XRN2: variants seen among roughly 807,000 people sequenced by gnomAD.
XRN2 encodes 5'-3' exoribonuclease 2.
In XRN2, 44 loss-of-function variants were observed where a neutral mutation model predicts 138.5. The observed-to-expected ratio is 0.32, with a 90% CI of 0.25 to 0.41. The LOEUF is 0.41. Among genes scored for constraint, XRN2 ranks in the 10% least tolerant of loss-of-function variants. The probability of loss-of-function intolerance (pLI) is 1.00; values close to 1 mark genes in which losing one functional copy is unlikely to be tolerated. For synonymous variants in XRN2, 354 were observed against 369.4 expected, an observed-to-expected ratio of 0.96 and a Z score of 0.48; for missense variants, 937 against 1,169.3, an observed-to-expected ratio of 0.80 and a Z score of 2.90.
At chr20:21,325,049 G>A (rs768229326) in intron 1 of XRN2, among the ~76,000 whole-genome samples, 1 of 152,142 alleles carries the variant, frequency 6.6e-6, no homozygotes, top group Non-Finnish European at 1.5e-5. Context: ...GTCTATTTTA[G>A]ACTTTTCATA....
At chr20:21,319,916 T>G (rs1657957663) in intron 1 of XRN2, among the ~76,000 whole-genome samples, 1 of 152,202 alleles carries the variant, frequency 6.6e-6, no homozygotes, top group African/African-American at 2.4e-5. Flanking sequence ...CTATGTAATA[T>G]TTATACAATT....
chr20:21,367,972 T>G (rs1435875405), intron 26 of XRN2, among the ~76,000 whole-genome samples: 1 of 152,166 alleles, frequency 6.6e-6, no homozygotes, highest in Non-Finnish European at 1.5e-5. Flanking sequence ...TCTATACTAC[T>G]AGTACGAAAT....
chr20:21,332,507 C>G (rs1237243214), intron 9 of XRN2, 67 bp downstream of exon 9: 2 of 1,403,420 alleles, frequency 1.4e-6, no homozygotes, highest in Non-Finnish European at 1.9e-6. Flanking sequence ...ATGTATATGA[C>G]ATAAAATATC....
rs1200102415 is a variant in XRN2 at position 21,349,020 on chromosome 20, G to GCT, written c.1864-369_1864-368insCT. ...CCAGCCATATTTGGTAGCCACCAGA[G>GCT]ATGAGGAAACTGCCTTACCCAAAAT... On this transcript the variant is annotated intron_variant, in intron 19 of 29. Coordinates refer to ENST00000377191, the MANE Select transcript of XRN2 (RefSeq NM_012255.5). Among the ~76,000 whole-genome samples the GCT allele has an allele frequency of 1.3e-5, 2 of 152,148 alleles. 1 individual carries two copies. Among genetic ancestry groups the GCT allele is most frequent in the Admixed American group, 1.3e-4 (2 of 15,284 alleles).
intron 16 of XRN2, 97 bp downstream of exon 16, chr20:21,344,305 G>GCT (rs2038408797): frequency 1.2e-6 from 1 of 833,296 alleles, no homozygotes; most frequent in South Asian, 1.6e-5. Context: ...GCCTTCAGAT[G>GCT]CTTGCCTGTG....
At position 21,340,416 on chromosome 20, in the gene XRN2, A is replaced by G. The variant is rs2038355823; in HGVS notation, c.1279-305A>G. Among the ~76,000 whole-genome samples the G allele has an allele frequency of 2.0e-5, 3 of 152,168 alleles. No homozygotes were observed. In the South Asian group the frequency reaches 6.2e-4, roughly 32 times the overall value. On this transcript the variant is annotated intron_variant, in intron 14 of 29. Transcript: ENST00000377191. ...AATTGTGTCTCGAATGTTTTCTGTA[A>G]TTATAAAAAGCAGTGGGTTAGCATA... is the stretch of plus-strand genomic sequence containing the variant.
At chr20:21,360,586 G>A (rs1337025884) in intron 24 of XRN2, among the ~76,000 whole-genome samples, 1 of 152,016 alleles carries the variant, frequency 6.6e-6, no homozygotes, top group African/African-American at 2.4e-5. Flanking sequence ...CTTCAGAGGA[G>A]TGTTTCTTAG....
intron 27 of XRN2, among the ~76,000 whole-genome samples, chr20:21,374,500 CTTTG>C (rs988184756): frequency 1.3e-5 from 2 of 151,956 alleles, no homozygotes; most frequent in African/African-American, 2.4e-5. Flanking sequence ...TTCTTCTATT[CTTTG>C]TTTCTAGTGG....
chr20:21,327,176 A>G (rs2038140040), intron 3 of XRN2, among the ~76,000 whole-genome samples: 3 of 152,172 alleles, frequency 2.0e-5, no homozygotes, highest in African/African-American at 7.2e-5. Flanking sequence ...TGAGAAGGGA[A>G]GTATAGCAAA....
rs1412390313 is a variant in XRN2 at position 21,331,759 on chromosome 20, C to T, written c.650-9C>T. ...TATTAATATAAATACATGTTTCTCT[C>T]TTGTTTAGCCCAGCCTAACCATGAC... On this transcript the variant is annotated splice_polypyrimidine_tract_variant and intron_variant, in intron 7 of 29. Transcript: ENST00000377191. 1.9e-6 allele frequency: 3 copies of T among 1,604,680 alleles called. No homozygotes were observed. Among genetic ancestry groups the T allele is most frequent in the Non-Finnish European group, 8.5e-7 (1 of 1,177,694 alleles).
intron 1 of XRN2, among the ~76,000 whole-genome samples, chr20:21,317,762 C>T (rs78729323): frequency 2.6e-4 from 40 of 152,278 alleles, no homozygotes; most frequent in Non-Finnish European, 4.7e-4. Context: ...TGAGTACCAA[C>T]GCAACTGTCC....
chr20:21,323,669 C>T (rs536148628), intron 1 of XRN2, among the ~76,000 whole-genome samples: 11 of 152,174 alleles, frequency 7.2e-5, no homozygotes, highest in Admixed American at 3.9e-4. Context: ...GCTCTTTTCT[C>T]AAAATTAGGA....
intron 3 of XRN2, among the ~76,000 whole-genome samples, chr20:21,326,922 C>G (rs1253454233): frequency 3.3e-5 from 5 of 152,052 alleles, no homozygotes; most frequent in Non-Finnish European, 7.4e-5. Context: ...ATAATACATG[C>G]AGGGTGTTGA....
chr20:21,382,868 A>C (rs1382393952), intron 28 of XRN2, among the ~76,000 whole-genome samples: 1 of 152,250 alleles, frequency 6.6e-6, no homozygotes, highest in Non-Finnish European at 1.5e-5. Context: ...GGTTTTGCCA[A>C]CATCAGTAAA....
intron 1 of XRN2, among the ~76,000 whole-genome samples, chr20:21,324,067 G>A (rs2038085741): frequency 6.6e-6 from 1 of 152,084 alleles, no homozygotes. Flanking sequence ...AGATGAAGAG[G>A]CAGAGAGCCT....
At position 21,389,534 on chromosome 20, in the gene XRN2, A is replaced by C. The variant is rs879920326; in HGVS notation, c.*196A>C. On this transcript the variant is annotated 3_prime_UTR_variant, in exon 30 of 30. Coordinates refer to ENST00000377191, the MANE Select transcript of XRN2 (RefSeq NM_012255.5). ...AGATGTATGTTGCATAATACAGTGG[A>C]TCTGAATTTATTATTGCTTATAAAA... 1 of 465,218 alleles carries C rather than the reference A, an allele frequency of 2.1e-6. No homozygotes were observed. Among genetic ancestry groups the C allele is most frequent in the Non-Finnish European group, 3.7e-6 (1 of 266,778 alleles). The allele number at this position is 465,218 out of a possible 1,614,324, so 28.8% of individuals were successfully genotyped here.
chr20:21,348,349 A>G lies in XRN2; in HGVS notation c.1782A>G (p.Pro594=). ...GTTTTTTCTTTTTTCAGTTTAAACC[A>G]CTAGAACAACTTATGGGGGTATTTC... ...DFEKGTKPFK[P]LEQLMGVFPA... Residue 594 remains proline, a synonymous_variant, in exon 19 of 30, where the codon CCA becomes CCG. Transcript: ENST00000377191. 6.2e-7 allele frequency: 1 copy of G among 1,614,098 alleles called. No individual in the cohort carries two copies. The highest frequency in any genetic ancestry group is 8.5e-7 in the Non-Finnish European group (1 of 1,179,990).
intron 16 of XRN2, among the ~76,000 whole-genome samples, chr20:21,345,972 C>T (rs969713638): frequency 6.6e-6 from 1 of 152,046 alleles, no homozygotes; most frequent in African/African-American, 2.4e-5. Flanking sequence ...TACCTGTGTG[C>T]GTCTTAAGTA....
chr20:21,356,705 A>C (rs1315801230), intron 23 of XRN2, 40 bp downstream of exon 23: 1 of 1,539,346 alleles, frequency 6.5e-7, no homozygotes, highest in Non-Finnish European at 8.9e-7. Flanking sequence ...GACTGGAAGG[A>C]AGTTTAGTTA....
Sources: allele counts gnomAD v4.1 joint callset (sites outside exome capture counted in the v4.1 genomes callset), GRCh38; gene constraint gnomAD v4.1.1; transcripts MANE v1.5; gene names NCBI Gene and HGNC (gene_info 2026-07-23, HGNC 2026-07-21).